HPS5: variants seen among roughly 807,000 people sequenced by gnomAD.
HPS5 encodes the protein HPS5 biogenesis of lysosomal organelles complex 2 subunit 2, also known as BLOC-2 complex member HPS5.
In HPS5, 83 loss-of-function variants were observed where a neutral mutation model predicts 128.0. The ratio of observed to expected loss-of-function variants is 0.65; its 90% CI spans 0.54 to 0.78. The LOEUF (loss-of-function observed/expected upper bound fraction) is 0.78, where lower values mean the gene tolerates loss of function less well. Among genes scored for constraint, HPS5 ranks in the 30% least tolerant of loss-of-function variants. HPS5 has a pLI of 0.00. For synonymous variants in HPS5, 475 were observed against 470.2 expected (o/e 1.01, Z -0.13); for missense variants, 1,281 against 1,326.2 (o/e 0.97, Z 0.53).
At chr11:18,318,038 T>C (rs1590157435) in intron 1 of HPS5, 131 bp from the exon 2 acceptor site, 1 of 657,428 alleles carries the variant, frequency 1.5e-6, no homozygotes. Context: ...AGAAAACACA[T>C]AAGGTAACAT....
chr11:18,287,821 A>T, intron 17 of HPS5, 72 bp downstream of exon 17: 1 of 1,603,774 alleles, frequency 6.2e-7, no homozygotes, highest in South Asian at 1.1e-5. Flanking sequence ...AATGAGTAAC[A>T]TGTTAGAGAC....
rs1859948523 is a variant in HPS5 at position 18,287,972 on chromosome 11, C to A, written c.2482G>T (p.Gly828Ter). Reference sequence around the variant, plus strand: ...AACTTTAACCTTGTTGGTAGATCTCCTTTTTCCATCTCCATATACACAGGA... The same window carrying A: ...AACTTTAACCTTGTTGGTAGATCTCATTTTTCCATCTCCATATACACAGGA... ...SNPVYMEMEKGDLPTRLKLLD... is the reference protein window; with the variant it reads ...SNPVYMEMEK Residue 828 changes from glycine to a stop codon, truncating the protein, a stop_gained, in exon 17 of 23, where the codon GGA (glycine) becomes TGA (stop). Coordinates refer to ENST00000349215, the MANE Select transcript of HPS5 (RefSeq NM_181507.2). LOFTEE classifies it high-confidence loss of function. 1 of 1,613,708 alleles carries A rather than the reference C, an allele frequency of 6.2e-7. No homozygotes were observed. Among genetic ancestry groups the A allele is most frequent in the Non-Finnish European group, 8.5e-7 (1 of 1,179,904 alleles).
At chr11:18,311,827 T>C in intron 3 of HPS5, 87 bp downstream of exon 3, 3 of 1,011,534 alleles carry the variant, frequency 3.0e-6, no homozygotes, top group Non-Finnish European at 4.8e-6. Flanking sequence ...TACATTCTTT[T>C]ATTCCAAATG....
At chr11:18,301,067 T>C (rs1861644651) in intron 8 of HPS5, 151 bp from the exon 9 acceptor site, 4 of 661,626 alleles carry the variant, frequency 6.0e-6, no homozygotes, top group African/African-American at 1.8e-5. Context: ...TCCTAACAAC[T>C]CCTTTCTGTC....
intron 13 of HPS5, 113 bp from the exon 14 acceptor site, chr11:18,295,282 T>C (rs1860922915): frequency 2.2e-6 from 2 of 897,764 alleles, no homozygotes; most frequent in Admixed American, 2.1e-5. Flanking sequence ...AACTTGGACT[T>C]AGTAAAGACT....
At chr11:18,300,594 G>C (rs1258611243) in intron 9 of HPS5, among the ~76,000 whole-genome samples, 2 of 151,654 alleles carry the variant, frequency 1.3e-5, no homozygotes, top group Non-Finnish European at 2.9e-5. Flanking sequence ...CTACTCAGGA[G>C]GCTGAGGCAG....
rs750615637 is a variant in HPS5 at position 18,279,945 on chromosome 11, GA to G, written c.3330-4del. On this transcript the variant is annotated splice_polypyrimidine_tract_variant and splice_region_variant and intron_variant, in intron 22 of 22. Coordinates refer to ENST00000349215, the MANE Select transcript of HPS5 (RefSeq NM_181507.2). ...CAAGCATGCTTTGTATCAAGGCCCT[GA>G]AATCCCAAAGAAAAGAAACAAGCAA... 4 of 1,613,876 alleles carry G rather than the reference GA, an allele frequency of 2.5e-6. No individual in the cohort carries two copies. The East Asian group carries it at 8.9e-5, about 36-fold the overall frequency.
At chr11:18,300,297 T>A (rs1031036323) in intron 9 of HPS5, among the ~76,000 whole-genome samples, 15 of 152,026 alleles carry the variant, frequency 9.9e-5, no homozygotes, top group African/African-American at 3.1e-4. Flanking sequence ...ATAAATAAAA[T>A]GACTCATGAA....
At chr11:18,306,455 C>G in intron 6 of HPS5, 108 bp from the exon 7 acceptor site, 1 of 706,836 alleles carries the variant, frequency 1.4e-6, no homozygotes, top group Non-Finnish European at 2.5e-6. Context: ...AATGCCTTCT[C>G]CTTCATTCAT....
intron 8 of HPS5, among the ~76,000 whole-genome samples, chr11:18,304,617 T>TA (rs1166299814): frequency 6.6e-6 from 1 of 152,250 alleles, no homozygotes; most frequent in African/African-American, 2.4e-5. Context: ...CAATTATTTT[T>TA]AAAAATCACA....
At position 18,282,209 on chromosome 11, in the gene HPS5, C is replaced by T. The variant is rs141876368; in HGVS notation, c.3070G>A (p.Glu1024Lys). Residue 1024 changes from glutamate to lysine, a missense_variant, in exon 22 of 23, where the codon GAG becomes AAG. Physicochemically the swap from Glu to Lys is moderately conservative, Grantham distance 56. Coordinates refer to ENST00000349215, the MANE Select transcript of HPS5 (RefSeq NM_181507.2). ...AGAAGCTTCCATTCCTCCACGGTCT[C>T]TGGGATCCAACCTAAACACACACAG... ...LMEGDNGWIPETVEEWKLLLH... is the reference protein window; with the variant it reads ...LMEGDNGWIPKTVEEWKLLLH... 1 of 1,614,126 alleles carries T rather than the reference C, an allele frequency of 6.2e-7. No homozygotes were observed. The highest frequency in any genetic ancestry group is 1.7e-4 in the Middle Eastern group (1 of 6,008).
chr11:18,305,922 C>T (rs575732749), intron 7 of HPS5, among the ~76,000 whole-genome samples: 2 of 147,270 alleles, frequency 1.4e-5, no homozygotes, highest in Non-Finnish European at 3.0e-5. Flanking sequence ...TTGGTAGAGA[C>T]GGGGTTTCAC....
At chr11:18,304,397 A>G (rs1174035259) in intron 8 of HPS5, among the ~76,000 whole-genome samples, 2 of 151,940 alleles carry the variant, frequency 1.3e-5, no homozygotes, top group Non-Finnish European at 2.9e-5. Context: ...TTGTATTTTT[A>G]GTAGAGACGG....
At chr11:18,280,560 C>A (rs1393619102) in intron 22 of HPS5, 6 of 699,784 alleles carry the variant, frequency 8.6e-6, no homozygotes, top group Non-Finnish European at 1.6e-5. Flanking sequence ...GAACTGAAAG[C>A]AGTGTCTGGA....
chr11:18,299,230 T>C (rs768235914), intron 9 of HPS5, among the ~76,000 whole-genome samples: 3 of 152,146 alleles, frequency 2.0e-5, no homozygotes, highest in Non-Finnish European at 4.4e-5. Flanking sequence ...CTGTTTTCTG[T>C]GAAAAGGAAT....
At chr11:18,281,912 C>T in intron 22 of HPS5, 38 bp downstream of exon 22, 1 of 1,613,306 alleles carries the variant, frequency 6.2e-7, no homozygotes, top group Non-Finnish European at 8.5e-7. Flanking sequence ...TCTACCTTCT[C>T]CAAGCACTAT....
At position 18,311,942 on chromosome 11, in the gene HPS5, C is replaced by T. The variant is rs747733616; in HGVS notation, c.191G>A (p.Trp64Ter). The T allele has an allele frequency of 1.2e-6, 2 of 1,613,596 alleles. No individual in the cohort carries two copies. The highest frequency in any genetic ancestry group is 1.3e-5 in the African/African-American group (1 of 74,920). The change falls in exon 3 of 23, where the codon TGG becomes TAG. Residue 64 changes from tryptophan to a stop codon, truncating the protein, a stop_gained. Transcript: ENST00000349215. LOFTEE classifies it high-confidence loss of function. Reference sequence around the variant, plus strand: ...GTGTGAAAGAAAAAGCCTGTGCTTCCAGCCTTCTTTCTGAATGAGATGGAG... The same window carrying T: ...GTGTGAAAGAAAAAGCCTGTGCTTCTAGCCTTCTTTCTGAATGAGATGGAG... ...GGLHLIQKEG[W>*]KHRLFLSHRE...
chr11:18,303,891 A>C (rs1862042464), intron 8 of HPS5, among the ~76,000 whole-genome samples: 1 of 151,866 alleles, frequency 6.6e-6, no homozygotes, highest in South Asian at 2.1e-4. Flanking sequence ...GGGACTTCCC[A>C]ATACCCCGCA....
At position 18,290,757 on chromosome 11, in the gene HPS5, TATAAAAAA is replaced by T. The variant is rs561451228; in HGVS notation, c.2440+677_2440+684del. ...GGGCAACACAGTAAGACCCCATCTC[TATAAAAAA>T]ATGAAGAAATCAGAGGGTACAGTGG... On this transcript the variant is annotated intron_variant, in intron 16 of 22. Coordinates refer to ENST00000349215, the MANE Select transcript of HPS5 (RefSeq NM_181507.2). Among the ~76,000 whole-genome samples the T allele has an allele frequency of 2.6e-3, 390 of 152,076 alleles. 1 individual carries two copies. Among genetic ancestry groups the T allele is most frequent in the Non-Finnish European group, 4.2e-3 (285 of 67,978 alleles).
Sources: allele counts gnomAD v4.1 joint callset (sites outside exome capture counted in the v4.1 genomes callset), GRCh38; gene constraint gnomAD v4.1.1; transcripts MANE v1.5; gene names NCBI Gene and HGNC (gene_info 2026-07-23, HGNC 2026-07-21).